The following GLRA1 variants were observed in gnomAD, a reference collection of about 807,000 sequenced individuals.
The protein encoded by GLRA1 is glycine receptor subunit alpha-1.
GLRA1 carries 37 observed loss-of-function variants against 48.3 expected under a neutral mutation model. The observed-to-expected ratio is 0.77, with a 90% CI of 0.59 to 1.01. GLRA1 has a LOEUF of 1.01. Among genes scored for constraint, GLRA1 ranks in the 50% least tolerant of loss-of-function variants. GLRA1 has a pLI of 0.00. For synonymous variants in GLRA1, 196 were observed against 210.7 expected (o/e 0.93, Z 0.60); for missense variants, 427 against 571.0 (o/e 0.75, Z 2.57).
At chr5:151,860,764 A>G (rs1753176490) in intron 3 of GLRA1, among the ~76,000 whole-genome samples, 1 of 152,146 alleles carries the variant, frequency 6.6e-6, no homozygotes, top group African/African-American at 2.4e-5. Context: ...TCTAGGGTAC[A>G]TGTGCACAAC....
At chr5:151,868,883 T>C (rs1753404991) in intron 3 of GLRA1, among the ~76,000 whole-genome samples, 1 of 152,200 alleles carries the variant, frequency 6.6e-6, no homozygotes, top group Admixed American at 6.5e-5. Flanking sequence ...GTGTCTTGAA[T>C]TTCTCCTAAG....
In GLRA1 at chr5:151,835,710, C is replaced by T. The variant is rs1386599587; in HGVS notation, c.913-6643G>A. Among the ~76,000 whole-genome samples, 10 of 152,182 alleles carry T rather than the reference C, an allele frequency of 6.6e-5. 1 individual carries two copies. The South Asian group carries it at 2.1e-3, about 32-fold the overall frequency. Reference sequence around the variant, plus strand: ...TAAAGACAGAACCAATGCCAAAAACCCATGATTATCTCAATAGATGCAGAA... The same window carrying T: ...TAAAGACAGAACCAATGCCAAAAACTCATGATTATCTCAATAGATGCAGAA... On this transcript the variant is annotated intron_variant, in intron 7 of 8. Coordinates refer to ENST00000274576, the MANE Select transcript of GLRA1 (RefSeq NM_000171.4).
At chr5:151,880,131 T>C (rs188456059) in intron 3 of GLRA1, among the ~76,000 whole-genome samples, 1 of 152,362 alleles carries the variant, frequency 6.6e-6, no homozygotes, top group East Asian at 1.9e-4. Context: ...AAACCTTTTC[T>C]TTTGTAAATT....
At chr5:151,849,476 C>CT in intron 7 of GLRA1, among the ~76,000 whole-genome samples, 1 of 71,874 alleles carries the variant, frequency 1.4e-5, no homozygotes, top group Non-Finnish European at 2.6e-5. Flanking sequence ...TCCTTCCTTC[C>CT]TTCCTTCCTT....
intron 3 of GLRA1, among the ~76,000 whole-genome samples, chr5:151,866,074 C>A (rs753611124): frequency 2.0e-5 from 3 of 152,196 alleles, no homozygotes; most frequent in Non-Finnish European, 2.9e-5. Flanking sequence ...ACCCTAGAAC[C>A]TGAGGTTCCA....
intron 3 of GLRA1, among the ~76,000 whole-genome samples, chr5:151,862,904 G>A (rs1753241800): frequency 6.6e-6 from 1 of 152,140 alleles, no homozygotes; most frequent in African/African-American, 2.4e-5. Flanking sequence ...CTGGCTCAAT[G>A]TCACTCTGAA....
intron 1 of GLRA1, among the ~76,000 whole-genome samples, chr5:151,909,896 CT>C (rs796148600): frequency 0.011 from 1,667 of 146,968 alleles, 28 homozygotes; most frequent in African/African-American, 0.039. Context: ...CCATCTCTAA[CT>C]TTTTTTTTTT....
intron 7 of GLRA1, among the ~76,000 whole-genome samples, chr5:151,844,515 G>GGGA (rs1381807408): frequency 1.3e-5 from 2 of 150,762 alleles, no homozygotes; most frequent in Non-Finnish European, 3.0e-5. Context: ...TCAGCTACTC[G>GGGA]GGAGGCTGAG....
intron 3 of GLRA1, among the ~76,000 whole-genome samples, chr5:151,862,647 G>A (rs7707162): frequency 0.047 from 7,184 of 152,224 alleles, 596 homozygotes; most frequent in African/African-American, 0.16. Context: ...ATGTTAGACC[G>A]GATGAAATAC....
rs370445599 is a variant in GLRA1 at position 151,916,834 on chromosome 5, T to C, written c.56+7660A>G. On this transcript the variant is annotated intron_variant, in intron 1 of 8. Transcript: ENST00000274576. ...GTGTCACATAGAGTTCCCAGCTGTG[T>C]GAATGAGAGCTTTTGGTGCACCAGG... Among the ~76,000 whole-genome samples, 134 of 152,180 alleles carry C rather than the reference T, an allele frequency of 8.8e-4. 1 individual carries two copies. The highest frequency in any genetic ancestry group is 1.5e-3 in the Non-Finnish European group (99 of 68,006).
At chr5:151,900,567 T>C (rs751816034) in intron 1 of GLRA1, among the ~76,000 whole-genome samples, 1 of 152,242 alleles carries the variant, frequency 6.6e-6, no homozygotes, top group East Asian at 1.9e-4. Context: ...GTCTCCATTT[T>C]ACAGGTGAGA....
rs113262247 is a variant in GLRA1, at chr5:151,873,608, C to T, written c.252+13113G>A. Among the ~76,000 whole-genome samples, 784 of 148,280 alleles carry T rather than the reference C, an allele frequency of 5.3e-3. 8 individuals are homozygous for T. The highest frequency in any genetic ancestry group is 0.019 in the African/African-American group (737 of 39,836). On this transcript the variant is annotated intron_variant, in intron 3 of 8. Coordinates refer to ENST00000274576, the MANE Select transcript of GLRA1 (RefSeq NM_000171.4). ...CTGGGAGGTGGAGGTTGCAGTGAGC[C>T]GAGATTGAGATCACGCCACTGCACT...
intron 1 of GLRA1, among the ~76,000 whole-genome samples, chr5:151,906,529 A>C (rs1009173994): frequency 1.3e-5 from 2 of 152,198 alleles, no homozygotes; most frequent in African/African-American, 4.8e-5. Flanking sequence ...TGTAAGGAAT[A>C]ATTAAAGACT....
intron 7 of GLRA1, among the ~76,000 whole-genome samples, chr5:151,838,750 G>C (rs769074417): frequency 3.3e-4 from 51 of 152,284 alleles, no homozygotes; most frequent in African/African-American, 1.2e-3. Flanking sequence ...AAAAAATAGT[G>C]CCTGAAAACT....
intron 1 of GLRA1, among the ~76,000 whole-genome samples, chr5:151,901,548 A>C (rs79591319): frequency 6.6e-6 from 1 of 152,210 alleles, no homozygotes; most frequent in African/African-American, 2.4e-5. Flanking sequence ...ATTACCTTCA[A>C]TGCAGCTTTC....
intron 4 of GLRA1, among the ~76,000 whole-genome samples, chr5:151,857,101 G>T (rs1370270797): frequency 6.6e-6 from 1 of 152,170 alleles, no homozygotes; most frequent in Non-Finnish European, 1.5e-5. Context: ...CTGGGCCCAG[G>T]CCTGAAGCAG....
intron 3 of GLRA1, among the ~76,000 whole-genome samples, chr5:151,882,348 G>C (rs1312306439): frequency 6.6e-6 from 1 of 152,112 alleles, no homozygotes; most frequent in African/African-American, 2.4e-5. Context: ...ACTTTATGGG[G>C]GTTGTTATCA....
chr5:151,901,748 T>C (rs917693777), intron 1 of GLRA1, among the ~76,000 whole-genome samples: 5 of 152,182 alleles, frequency 3.3e-5, no homozygotes, highest in Non-Finnish European at 7.3e-5. Flanking sequence ...GAAGACATGA[T>C]ATTAGCTAAT....
chr5:151,822,960 C>T lies in GLRA1; in HGVS notation c.1063G>A (p.Asp355Asn). ...TTAAAGCGGCCTTCTCCAGCTTCAT[C>T]CTCCTGGAATAGATTCAACATGGGG... ...FRRKRRHHKE[D>N]EAGEGRFNFS... Residue 355 changes from aspartate (D) to asparagine (N), a missense_variant, in exon 9 of 9, where the codon GAT becomes AAT. Physicochemically the swap from Asp to Asn is conservative, Grantham distance 23. Coordinates refer to ENST00000274576, the MANE Select transcript of GLRA1 (RefSeq NM_000171.4). 6.2e-7 allele frequency: 1 copy of T among 1,604,302 alleles called. No homozygotes were observed. Among genetic ancestry groups the T allele is most frequent in the Non-Finnish European group, 8.5e-7 (1 of 1,174,130 alleles).
Sources: gnomAD v4.1 joint callset for allele counts (sites outside exome capture counted in the v4.1 genomes callset) on GRCh38, gnomAD v4.1.1 for gene constraint, MANE v1.5 for transcripts, NCBI Gene and HGNC (gene_info 2026-07-23, HGNC 2026-07-21) for gene names.